The following KMT2C variants were observed in gnomAD, a reference collection of about 807,000 sequenced individuals.
KMT2C encodes histone-lysine N-methyltransferase 2C.
In KMT2C, 88 loss-of-function variants were observed where a neutral mutation model predicts 507.9. The observed-to-expected ratio is 0.17, with a 90% CI of 0.15 to 0.21. The LOEUF (loss-of-function observed/expected upper bound fraction) is 0.21. Ranked by LOEUF, KMT2C falls within the 10% of genes least tolerant of loss-of-function variation. The pLI is 1.00. For synonymous variants in KMT2C, 2,049 were observed against 2,080.8 expected (o/e 0.98, Z 0.42); for missense variants, 4,954 against 5,957.8 (o/e 0.83, Z 5.55).
intron 6 of KMT2C, among the ~76,000 whole-genome samples, chr7:152,288,045 A>AAAAAG (rs1460588192): frequency 6.8e-6 from 1 of 146,716 alleles, no homozygotes; most frequent in African/African-American, 2.6e-5. Flanking sequence ...AAAAAAAAAA[A>AAAAAG]GCAATTACAA....
chr7:152,223,752 A>G (rs2094845425), intron 20 of KMT2C, among the ~76,000 whole-genome samples: 2 of 152,142 alleles, frequency 1.3e-5, no homozygotes, highest in South Asian at 4.1e-4. Context: ...GTGAGCCAAG[A>G]TAGCGCCACT....
intron 1 of KMT2C, among the ~76,000 whole-genome samples, chr7:152,423,304 C>T (rs2097789602): frequency 6.6e-6 from 1 of 152,210 alleles, no homozygotes; most frequent in Non-Finnish European, 1.5e-5. Context: ...CATGTCATTG[C>T]ACTCCAGCCT....
In KMT2C at chr7:152,162,581, G is replaced by C. The variant is rs923194931; in HGVS notation, c.10996C>G (p.Pro3666Ala). 4.3e-6 allele frequency: 7 copies of C among 1,614,074 alleles called. No homozygotes were observed. The highest frequency in any genetic ancestry group is 4.0e-5 in the African/African-American group (3 of 74,938). Residue 3666 changes from proline (P) to alanine (A), a missense_variant, in exon 43 of 59, where the codon CCA becomes GCA. This residue lies in a region of KMT2C where 801 missense variants were observed against 751.2 expected (regional missense o/e 1.07). Coordinates refer to ENST00000262189, the MANE Select transcript of KMT2C (RefSeq NM_170606.3). ...CCTGCTGCCATATTGGGAGTGGATGGGCCGACTGGTTCCACCGACTCTTGG... is the reference window on the plus strand; with the variant it reads ...CCTGCTGCCATATTGGGAGTGGATGCGCCGACTGGTTCCACCGACTCTTGG... ...ADQESVEPVG[P>A]STPNMAAGQL... is the part of the protein sequence containing the mutation.
At chr7:152,178,199 T>C (rs1277557035) in intron 37 of KMT2C, among the ~76,000 whole-genome samples, 189 bp from the exon 38 acceptor site, 1 of 152,084 alleles carries the variant, frequency 6.6e-6, no homozygotes, top group African/African-American at 2.4e-5. Flanking sequence ...AGTAAGATTT[T>C]GCTAAGAATC....
Position 152,263,141 on chromosome 7 carries a change from A to G in KMT2C, c.1185-11T>C. The G allele has an allele frequency of 6.3e-7, 1 of 1,597,764 alleles. No homozygotes were observed. Among genetic ancestry groups the G allele is most frequent in the Non-Finnish European group, 8.5e-7 (1 of 1,172,408 alleles). On this transcript the variant is annotated splice_polypyrimidine_tract_variant and intron_variant, in intron 8 of 58. Coordinates refer to ENST00000262189, the MANE Select transcript of KMT2C (RefSeq NM_170606.3). ...TCTTCTCCCGATTGTCTAAAAAATA[A>G]GATAGCATTAATGATGCCTTATCTT...
intron 1 of KMT2C, among the ~76,000 whole-genome samples, chr7:152,389,126 C>T (rs1191639064): frequency 6.6e-6 from 1 of 152,152 alleles, no homozygotes. Context: ...TCGTGATCTG[C>T]CCGCCTCAGC....
At chr7:152,275,104 T>A (rs2096058042) in intron 6 of KMT2C, among the ~76,000 whole-genome samples, 1 of 152,214 alleles carries the variant, frequency 6.6e-6, no homozygotes, top group Non-Finnish European at 1.5e-5. Context: ...GTAGTTAAAA[T>A]TATAATTGTT....
intron 3 of KMT2C, among the ~76,000 whole-genome samples, chr7:152,327,957 CA>C (rs371396057): frequency 0.027 from 2,111 of 78,666 alleles, 29 homozygotes; most frequent in African/African-American, 0.092. Flanking sequence ...GACTCCGCCT[CA>C]AAAAAAAAAA....
At chr7:152,160,323 C>A (rs2092369661) in intron 43 of KMT2C, among the ~76,000 whole-genome samples, 2 of 152,158 alleles carry the variant, frequency 1.3e-5, no homozygotes, top group Admixed American at 6.5e-5. Flanking sequence ...TGCAGATTAT[C>A]TGGTCCCACC....
At chr7:152,384,594 C>T (rs868780001) in intron 1 of KMT2C, among the ~76,000 whole-genome samples, 2 of 151,842 alleles carry the variant, frequency 1.3e-5, no homozygotes, top group South Asian at 2.1e-4. Flanking sequence ...CCACCACCAC[C>T]ACCACCACCA....
chr7:152,156,456 T>A, intron 44 of KMT2C, 110 bp from the exon 45 acceptor site: 1 of 1,363,970 alleles, frequency 7.3e-7, no homozygotes, highest in Non-Finnish European at 9.9e-7. Context: ...GCTACAGAAA[T>A]GTAATCAAGA....
intron 1 of KMT2C, among the ~76,000 whole-genome samples, chr7:152,384,546 T>TAAC (rs2097403095): frequency 1.8e-4 from 3 of 17,104 alleles, no homozygotes; most frequent in Non-Finnish European, 2.6e-4. Flanking sequence ...CCCATGTGCA[T>TAAC]AACACCACCA....
rs147851738 is a variant in KMT2C, at chr7:152,176,965, T to C, written c.8488A>G (p.Asn2830Asp). 25 of 1,614,050 alleles carry C rather than the reference T, an allele frequency of 1.5e-5. No individual in the cohort carries two copies. Among genetic ancestry groups the C allele is most frequent in the East Asian group, 2.2e-5 (1 of 44,900 alleles). The stretch of plus-strand genomic sequence containing the variant: ...TCACATTTGGATTCCACCTTAGAAT[T>C]TGGAGACAGTACTTCCGTTTTTACC... ...NEVKTEVLSP[N>D]SKVESKCETE... Residue 2830 changes from asparagine to aspartate, a missense_variant, in exon 38 of 59, where the codon AAT becomes GAT. Coordinates refer to ENST00000262189, the MANE Select transcript of KMT2C (RefSeq NM_170606.3).
At chr7:152,383,936 T>C (rs1386706015) in intron 1 of KMT2C, among the ~76,000 whole-genome samples, 1 of 151,700 alleles carries the variant, frequency 6.6e-6, no homozygotes, top group Non-Finnish European at 1.5e-5. Context: ...TCAACACCAA[T>C]CACTTTTTTA....
intron 6 of KMT2C, among the ~76,000 whole-genome samples, chr7:152,299,783 C>A (rs543578955): frequency 6.6e-6 from 1 of 151,942 alleles, no homozygotes; most frequent in South Asian, 2.1e-4. Flanking sequence ...AGACCATATA[C>A]ATTTAATGTG....
chr7:152,323,868 C>A (rs2096798021), intron 3 of KMT2C, among the ~76,000 whole-genome samples: 1 of 150,898 alleles, frequency 6.6e-6, no homozygotes, highest in Non-Finnish European at 1.5e-5. Context: ...CGGGAGGGAC[C>A]TGTCATCTGC....
At chr7:152,228,814 C>A (rs1001165027) in intron 18 of KMT2C, among the ~76,000 whole-genome samples, 1 of 152,102 alleles carries the variant, frequency 6.6e-6, no homozygotes, top group African/African-American at 2.4e-5. Context: ...GCATATATAA[C>A]TCTATTTTTT....
At chr7:152,221,419 T>C (rs1242125277) in intron 22 of KMT2C, among the ~76,000 whole-genome samples, 2 of 152,150 alleles carry the variant, frequency 1.3e-5, no homozygotes, top group African/African-American at 2.4e-5. Context: ...CTCCAGAAGC[T>C]CATCTGGAAA....
intron 9 of KMT2C, among the ~76,000 whole-genome samples, chr7:152,259,446 G>GCGCACACACACGCACA (rs1188729137): frequency 7.4e-6 from 1 of 134,688 alleles, no homozygotes; most frequent in African/African-American, 2.8e-5. Context: ...ACACACACGC[G>GCGCACACACACGCACA]CACACACACA....
Sources: gnomAD v4.1 joint callset for allele counts (sites outside exome capture counted in the v4.1 genomes callset) on GRCh38, gnomAD v4.1.1 for gene constraint, gnomAD v4.1.1 regional missense constraint, MANE v1.5 for transcripts, NCBI Gene and HGNC (gene_info 2026-07-23, HGNC 2026-07-21) for gene names.